Variants in DIP2A observed in about 807,000 individuals in gnomAD.
DIP2A encodes the protein disco-interacting protein 2 homolog A.
A neutral mutation model predicts 177.4 loss-of-function variants in DIP2A; 85 were observed. That is an observed-to-expected ratio of 0.48 (90% CI 0.40 to 0.57). DIP2A has a LOEUF of 0.57. Ranked by LOEUF, DIP2A falls within the 20% of genes least tolerant of loss-of-function variation. DIP2A has a pLI of 0.00. For synonymous variants in DIP2A, 886 were observed against 881.8 expected (o/e 1.00, Z -0.08); for missense variants, 1,791 against 2,100.2 (o/e 0.85, Z 2.88).
At position 46,550,575 on chromosome 21, in the gene DIP2A, C is replaced by T. The variant is rs1206534254; in HGVS notation, c.2670C>T (p.Tyr890=). Residue 890 remains tyrosine, a synonymous_variant, in exon 23 of 38, where the codon TAC becomes TAT. Coordinates refer to ENST00000417564, the MANE Select transcript of DIP2A (RefSeq NM_015151.4). The part of the protein sequence containing the change: ...AIDSIHQVGV[Y]CLALVPANTL... ...ATAGCATCCACCAGGTGGGCGTGTA[C>T]TGTCTGGCCCTGGTTCCTGCCAACA... 1.2e-5 allele frequency: 19 copies of T among 1,613,524 alleles called. No individual in the cohort carries two copies. The African/African-American group carries it at 1.5e-4, about 12-fold the overall frequency.
intron 10 of DIP2A, among the ~76,000 whole-genome samples, chr21:46,533,096 G>A (rs1194245755): frequency 6.6e-6 from 1 of 152,176 alleles, no homozygotes; most frequent in East Asian, 1.9e-4. Context: ...AGAAGACTTG[G>A]CTACAAGGAA....
At chr21:46,499,824 A>T (rs1264911182) in intron 5 of DIP2A, among the ~76,000 whole-genome samples, 9 of 151,600 alleles carry the variant, frequency 5.9e-5, no homozygotes, top group Non-Finnish European at 1.3e-4. Flanking sequence ...AGGAAGGAAG[A>T]AAAAAAAGTC....
At position 46,541,835 on chromosome 21, in the gene DIP2A, G is replaced by A. The variant is rs1389298499; in HGVS notation, c.2116G>A (p.Asp706Asn). ...NGLSYGVIRV[D>N]TEEKLSVLTV... The stretch of plus-strand genomic sequence containing the variant: ...TCTAAGTTATGGTGTTATCAGAGTG[G>A]ATACTGAAGAAAAGTTGTCAGTCCT... Residue 706 changes from aspartate to asparagine, a missense_variant, in exon 18 of 38, where the codon GAT becomes AAT. Transcript: ENST00000417564. The A allele has an allele frequency of 6.2e-7, 1 of 1,614,020 alleles. No individual in the cohort carries two copies. Among genetic ancestry groups the A allele is most frequent in the Admixed American group, 1.7e-5 (1 of 60,028 alleles).
chr21:46,578,036 G>A, the DIP2A span, among the ~76,000 whole-genome samples: 5 of 152,178 alleles, frequency 3.3e-5, no homozygotes, highest in African/African-American at 1.2e-4. Context: ...TTTGGAGGCT[G>A]GGCGTGGTGG....
At chr21:46,561,532 G>A (rs906838745) in intron 33 of DIP2A, 3 of 662,384 alleles carry the variant, frequency 4.5e-6, no homozygotes, top group African/African-American at 1.8e-5. Context: ...TGAGCACATG[G>A]GGTGGGTGGC....
intron 33 of DIP2A, chr21:46,561,084 C>T: frequency 1.1e-6 from 1 of 907,362 alleles, no homozygotes; most frequent in South Asian, 5.1e-5. Flanking sequence ...ATCTGTCACA[C>T]AACCAGGAAG....
intron 1 of DIP2A, among the ~76,000 whole-genome samples, chr21:46,477,543 T>TGTGTGTGTGTGTGTGTGTGTGTGTG (rs2055964791): frequency 1.1e-5 from 1 of 87,094 alleles, no homozygotes; most frequent in African/African-American, 4.3e-5. Flanking sequence ...AAAAAAAGAT[T>TGTGTGTGTGTGTGTGTGTGTGTGTG]TGTGTGTGTG....
chr21:46,561,653 C>G, intron 33 of DIP2A, 95 bp from the exon 34 acceptor site: 2 of 1,476,540 alleles, frequency 1.4e-6, no homozygotes, highest in Non-Finnish European at 1.9e-6. Context: ...TCAACAGACC[C>G]TCAGAGTGAT....
At chr21:46,571,025 C>A (rs9979271), downstream of DIP2A, among the ~76,000 whole-genome samples, 1 of 152,226 alleles carries the variant, frequency 6.6e-6, no homozygotes, top group African/African-American at 2.4e-5. Flanking sequence ...GGGCCACAGA[C>A]TGTTAACAGT....
chr21:46,459,268 G>T lies in DIP2A; in HGVS notation c.91+46G>T, dbSNP rs2054056285. 7 of 1,348,558 alleles carry T rather than the reference G, an allele frequency of 5.2e-6. No individual in the cohort carries two copies. In the African/African-American group the frequency reaches 1.2e-4, roughly 23 times the overall value. The allele number at this position is 1,348,558 out of a possible 1,614,324, so 83.5% of individuals were successfully genotyped here. On this transcript the variant is annotated intron_variant, in intron 1 of 37. Coordinates refer to ENST00000417564, the MANE Select transcript of DIP2A (RefSeq NM_015151.4). Reference sequence around the variant, plus strand: ...AACCCCCGCGACCCGCCCTCAGCCCGGTCCCCCGCGCAGCCCCTCACTCCG... The same window carrying T: ...AACCCCCGCGACCCGCCCTCAGCCCTGTCCCCCGCGCAGCCCCTCACTCCG...
chr21:46,476,909 G>C (rs999689669), intron 1 of DIP2A, among the ~76,000 whole-genome samples: 1 of 152,108 alleles, frequency 6.6e-6, no homozygotes, highest in Admixed American at 6.5e-5. Flanking sequence ...TGCCTGCCTT[G>C]GCCTTCCAAA....
chr21:46,529,215 G>A (rs1234411569), intron 9 of DIP2A, 32 bp downstream of exon 9: 2 of 1,324,744 alleles, frequency 1.5e-6, no homozygotes, highest in Non-Finnish European at 2.1e-6. Flanking sequence ...TTGTTGGAAG[G>A]AGCAAAAGCA....
At chr21:46,491,416 G>GT (rs972660512) in intron 3 of DIP2A, among the ~76,000 whole-genome samples, 2 of 152,102 alleles carry the variant, frequency 1.3e-5, no homozygotes, top group South Asian at 2.1e-4. Flanking sequence ...GATTTTAAAT[G>GT]TTTTTTCAAC....
At chr21:46,483,797 A>G (rs1028724518) in intron 1 of DIP2A, among the ~76,000 whole-genome samples, 18 of 152,206 alleles carry the variant, frequency 1.2e-4, no homozygotes, top group African/African-American at 4.3e-4. Flanking sequence ...GAGAGAAGGG[A>G]GATCTTACAA....
intron 32 of DIP2A, among the ~76,000 whole-genome samples, chr21:46,559,942 T>C (rs1259173526): frequency 1.3e-5 from 2 of 152,258 alleles, no homozygotes; most frequent in South Asian, 2.1e-4. Context: ...TCGTGAATTC[T>C]AGACAAACAT....
In DIP2A at chr21:46,556,673, ACT is replaced by A. The variant is rs1269414476; in HGVS notation, c.3499-263_3499-262del. 1 of 370,750 alleles carries A rather than the reference ACT, an allele frequency of 2.7e-6. No individual in the cohort carries two copies. The highest frequency in any genetic ancestry group is 4.9e-6 in the Non-Finnish European group (1 of 202,346). The allele number at this position is 370,750 out of a possible 1,614,324, so 23.0% of individuals were successfully genotyped here. On this transcript the variant is annotated intron_variant, in intron 29 of 37. Coordinates refer to ENST00000417564, the MANE Select transcript of DIP2A (RefSeq NM_015151.4). This position sits in a 1 kb window ranked among gnomAD's most constrained non-coding sequence, Gnocchi z 4.5. ...ACTCCAGCCTGGGCGACAGAGCAAG[ACT>A]CTGCCTCAAAAAAAAAAAAAAGAAA... is the stretch of plus-strand genomic sequence containing the variant.
In DIP2A at chr21:46,563,413, G is replaced by A. The variant is rs2060732324; in HGVS notation, c.4090-445G>A. ...GCCGTCCTGAATTGGCACAGAGCCA[G>A]TGCTCAGTGGTTGGACTGACTCGGA... On this transcript the variant is annotated intron_variant, in intron 34 of 37. Transcript: ENST00000417564. This position sits in a 1 kb window ranked among gnomAD's most constrained non-coding sequence, Gnocchi z 4.3. 6.6e-6 allele frequency among the ~76,000 whole-genome samples: 1 copy of A among 152,230 alleles called. No homozygotes were observed. Among genetic ancestry groups the A allele is most frequent in the Non-Finnish European group, 1.5e-5 (1 of 68,034 alleles).
chr21:46,534,738 C>T (rs369661961), intron 13 of DIP2A, 51 bp downstream of exon 13: 4 of 1,463,638 alleles, frequency 2.7e-6, no homozygotes, highest in Non-Finnish European at 3.7e-6. Flanking sequence ...CACACAGATA[C>T]CTGACGTACC....
chr21:46,474,644 G>T (rs922338198), intron 1 of DIP2A, among the ~76,000 whole-genome samples: 4 of 151,894 alleles, frequency 2.6e-5, no homozygotes, highest in African/African-American at 9.7e-5. Flanking sequence ...TTGTTTTTTG[G>T]TTTTTGTTTT....
Sources: gnomAD v4.1 joint callset for allele counts (sites outside exome capture counted in the v4.1 genomes callset) on GRCh38, gnomAD v4.1.1 for gene constraint, Gnocchi (gnomAD v3.1) non-coding constraint, MANE v1.5 for transcripts, NCBI Gene and HGNC (gene_info 2026-07-23, HGNC 2026-07-21) for gene names.